Variants in LAMA1 observed in about 807,000 individuals in gnomAD.
LAMA1 encodes laminin subunit alpha 1.
In LAMA1, 219 loss-of-function variants were observed where a neutral mutation model predicts 348.7. The observed-to-expected ratio is 0.63, with a 90% CI of 0.56 to 0.70. The LOEUF is 0.70. Ranked by LOEUF, LAMA1 falls within the 30% of genes least tolerant of loss-of-function variation. LAMA1 has a pLI of 0.00. For missense variants in LAMA1, 3,744 were observed against 3,888.0 expected (o/e 0.96, Z 0.99); for synonymous variants, 1,487 against 1,491.0 (o/e 1.00, Z 0.06).
intron 57 of LAMA1, among the ~76,000 whole-genome samples, chr18:6,953,208 T>A (rs2057557954): frequency 6.6e-6 from 1 of 151,194 alleles, no homozygotes; most frequent in South Asian, 2.1e-4. Flanking sequence ...TCTGCCCGTG[T>A]CCAGCGGATC....
At chr18:6,979,707 G>T (rs1333870841) in intron 42 of LAMA1, among the ~76,000 whole-genome samples, 1 of 152,076 alleles carries the variant, frequency 6.6e-6, no homozygotes, top group Non-Finnish European at 1.5e-5. Flanking sequence ...AGACCATCCT[G>T]GCTAACACGG....
At chr18:7,032,324 A>G in intron 15 of LAMA1, 148 bp from the exon 16 acceptor site, 2 of 698,082 alleles carry the variant, frequency 2.9e-6, no homozygotes, top group South Asian at 1.5e-5. Flanking sequence ...TAAGTGTACA[A>G]TTCAATGACT....
In LAMA1 at chr18:7,013,881, C is replaced by T; in HGVS notation, c.3297G>A (p.Gly1099=). 6.2e-7 allele frequency: 1 copy of T among 1,612,412 alleles called. No individual in the cohort carries two copies. The highest frequency in any genetic ancestry group is 8.5e-7 in the Non-Finnish European group (1 of 1,179,164). The change falls in exon 23 of 63, where the codon GGG becomes GGA. Residue 1099 remains glycine, a synonymous_variant. Transcript: ENST00000389658. ...GACCCTGCTCCAGGTTGCAGGCGTC[C>T]CCCGACGTCCCCCTCAGGTCACAGT... ...PCDCDLRGTS[G]DACNLEQGLC... is the part of the protein sequence containing the mutation.
At chr18:7,090,941 A>G (rs2058237518) in intron 1 of LAMA1, among the ~76,000 whole-genome samples, 1 of 152,228 alleles carries the variant, frequency 6.6e-6, no homozygotes, top group South Asian at 2.1e-4. Context: ...AATGTGCTCA[A>G]GGTGTCCTTG....
chr18:6,956,637 G>A lies in LAMA1; in HGVS notation c.8093C>T (p.Pro2698Leu), dbSNP rs369310468. The change falls in exon 56 of 63, where the codon CCA (proline) becomes CTA (leucine). Residue 2698 changes from proline to leucine, a missense_variant and splice_region_variant. This residue lies in a region of LAMA1 where 1,983 missense variants were observed against 1,934.3 expected (regional missense o/e 1.03). Transcript: ENST00000389658. ...SKLLPEPRAF[P>L]EQCVVDAALE... ...GATAGTAAAGGAAGCCGCTCCTACT[G>A]GAAAAGCCCGGGGCTCTGGCAAGAG... 4 of 1,614,056 alleles carry A rather than the reference G, an allele frequency of 2.5e-6. No individual in the cohort carries two copies. In the East Asian group the frequency reaches 6.7e-5, roughly 27 times the overall value.
chr18:6,966,657 T>A (rs992342342), intron 48 of LAMA1, among the ~76,000 whole-genome samples: 16 of 152,162 alleles, frequency 1.1e-4, no homozygotes, highest in Admixed American at 9.2e-4. Context: ...GAATAATTTT[T>A]ATATTGACAT....
At chr18:6,961,879 A>G in intron 52 of LAMA1, 66 bp downstream of exon 52, 1 of 1,560,436 alleles carries the variant, frequency 6.4e-7, no homozygotes, top group African/African-American at 1.4e-5. Context: ...TTGTTGTGTT[A>G]TGATGTTGAT....
intron 35 of LAMA1, among the ~76,000 whole-genome samples, 184 bp from the exon 36 acceptor site, chr18:6,992,904 T>C (rs993718686): frequency 9.2e-5 from 14 of 152,206 alleles, no homozygotes; most frequent in African/African-American, 3.4e-4. Context: ...TAAACATTCA[T>C]GAACTTGGGA....
intron 14 of LAMA1, among the ~76,000 whole-genome samples, chr18:7,034,272 C>T (rs7231835): frequency 0.26 from 38,898 of 152,086 alleles, 6,551 homozygotes; most frequent in African/African-American, 0.48. Context: ...CTGTCTTCTA[C>T]TGGATACACT....
intron 57 of LAMA1, among the ~76,000 whole-genome samples, chr18:6,952,923 T>C (rs1385503239): frequency 6.7e-6 from 1 of 148,882 alleles, no homozygotes; most frequent in African/African-American, 2.5e-5. Context: ...ATGGGAGCCA[T>C]GTCTGCCTGT....
chr18:7,107,121 CTT>C (rs34984235), intron 1 of LAMA1, among the ~76,000 whole-genome samples: 7 of 137,066 alleles, frequency 5.1e-5, no homozygotes, highest in Admixed American at 1.5e-4. Flanking sequence ...GAGAAAACTC[CTT>C]TTTTTTTTTT....
Position 7,042,221 on chromosome 18 carries a change from G to GA in LAMA1, c.1184_1185insT (p.Cys397LeufsTer2). The GA allele has an allele frequency of 6.2e-7, 1 of 1,611,860 alleles. No individual in the cohort carries two copies. The highest frequency in any genetic ancestry group is 8.5e-7 in the Non-Finnish European group (1 of 1,178,702). On this transcript the variant is annotated frameshift_variant, in exon 9 of 63. Transcript: ENST00000389658. LOFTEE classifies it high-confidence loss of function. ...ACCCCACAGGGTCACAATTACAGGG[G>GA]CGGCAAGGCTCATCCTCATAAGGAG...
chr18:7,105,198 AGAGGCC>A (rs1414227119), intron 1 of LAMA1, among the ~76,000 whole-genome samples: 1 of 152,112 alleles, frequency 6.6e-6, no homozygotes, highest in African/African-American at 2.4e-5. Context: ...CAGCACTTCA[AGAGGCC>A]GAGGCAGGTG....
Position 6,985,288 on chromosome 18 carries a change from C to A in LAMA1, c.5609G>T (p.Arg1870Ile). The A allele has an allele frequency of 2.5e-6, 4 of 1,614,214 alleles. No individual in the cohort carries two copies. The highest frequency in any genetic ancestry group is 3.4e-6 in the Non-Finnish European group (4 of 1,180,052). The change falls in exon 39 of 63, where the codon AGA becomes ATA. Residue 1870 changes from arginine (R) to isoleucine (I), a missense_variant. Transcript: ENST00000389658. ...SQRNAVDLVY[R>I]AEDHAAEFQR... is the part of the protein sequence containing the mutation. ...GAACTCAGCGGCATGGTCCTCAGCT[C>A]TGTAGACCAGGTCGACTGCGTTCCT...
chr18:7,072,529 G>A (rs996041334), intron 3 of LAMA1, among the ~76,000 whole-genome samples: 4 of 152,100 alleles, frequency 2.6e-5, no homozygotes, highest in East Asian at 1.9e-4. Flanking sequence ...GCAGTCTCTC[G>A]GCTGAGAACC....
intron 60 of LAMA1, among the ~76,000 whole-genome samples, 153 bp downstream of exon 60, chr18:6,948,250 C>T (rs562821144): frequency 1.1e-4 from 16 of 152,288 alleles, no homozygotes; most frequent in East Asian, 9.7e-4. Flanking sequence ...AGGCTTTTTA[C>T]GCCAAGAAAT....
chr18:6,994,091 A>G (rs970654718), intron 34 of LAMA1, among the ~76,000 whole-genome samples: 1 of 152,222 alleles, frequency 6.6e-6, no homozygotes, highest in African/African-American at 2.4e-5. Context: ...TACAGAATAT[A>G]GAAAGTAAAC....
chr18:7,036,930 C>T (rs1015517765), intron 12 of LAMA1, among the ~76,000 whole-genome samples: 2 of 151,928 alleles, frequency 1.3e-5, no homozygotes, highest in Admixed American at 6.6e-5. Flanking sequence ...AATAAATTTT[C>T]GTATCAATCA....
chr18:6,947,214 C>A lies in LAMA1; in HGVS notation c.8793G>T (p.Gly2931=). 1.2e-6 allele frequency: 2 copies of A among 1,614,202 alleles called. No individual in the cohort carries two copies. Among genetic ancestry groups the A allele is most frequent in the Non-Finnish European group, 1.7e-6 (2 of 1,180,050 alleles). ...TGGCATCCACTTTGGCAGTGCTGATCCCCAGGAGGACGCCATTCTGCGAGG... is the reference window on the plus strand; with the variant it reads ...TGGCATCCACTTTGGCAGTGCTGATACCCAGGAGGACGCCATTCTGCGAGG... The part of the protein sequence containing the change: ...RTSSQNGVLL[G]ISTAKVDAIG... Residue 2931 remains glycine (G), a synonymous_variant, in exon 61 of 63, where the codon GGG becomes GGT. Coordinates refer to ENST00000389658, the MANE Select transcript of LAMA1 (RefSeq NM_005559.4).
Sources: gnomAD v4.1 joint callset for allele counts (sites outside exome capture counted in the v4.1 genomes callset) on GRCh38, gnomAD v4.1.1 for gene constraint, gnomAD v4.1.1 regional missense constraint, MANE v1.5 for transcripts, NCBI Gene and HGNC (gene_info 2026-07-23, HGNC 2026-07-21) for gene names.